The following THSD7B variants were observed in gnomAD, a reference collection of about 807,000 sequenced individuals.
THSD7B encodes the protein thrombospondin type 1 domain containing 7B, also known as thrombospondin type-1 domain-containing protein 7B.
In THSD7B, 138 loss-of-function variants were observed where a neutral mutation model predicts 213.6. The observed-to-expected ratio is 0.65, with a 90% CI of 0.56 to 0.74. THSD7B has a LOEUF of 0.74. THSD7B is among the 30% of genes least tolerant of loss of function. The pLI, the probability that THSD7B is intolerant of heterozygous loss-of-function variation, is 0.00. For synonymous variants in THSD7B, 742 were observed against 687.0 expected (o/e 1.08, Z -1.25); for missense variants, 1,931 against 1,991.5 (o/e 0.97, Z 0.58).
At chr2:137,192,911 T>C (rs1282570294) in intron 7 of THSD7B, among the ~76,000 whole-genome samples, 1 of 152,204 alleles carries the variant, frequency 6.6e-6, no homozygotes, top group East Asian at 1.9e-4. Flanking sequence ...TGACGTGGTG[T>C]CTCTAAGTCT....
At chr2:137,274,095 A>G (rs1451584879) in intron 11 of THSD7B, among the ~76,000 whole-genome samples, 1 of 152,028 alleles carries the variant, frequency 6.6e-6, no homozygotes, top group East Asian at 1.9e-4. Context: ...AATCAGTTCT[A>G]CTGTGTATGA....
chr2:136,811,752 A>C (rs1030399961), intron 1 of THSD7B, among the ~76,000 whole-genome samples: 1 of 152,172 alleles, frequency 6.6e-6, no homozygotes, highest in African/African-American at 2.4e-5. Flanking sequence ...GAAATTTTAC[A>C]CAAGACGTAT....
chr2:136,979,216 C>G (rs761934488), intron 2 of THSD7B, among the ~76,000 whole-genome samples: 3 of 150,044 alleles, frequency 2.0e-5, no homozygotes, highest in Non-Finnish European at 4.4e-5. Flanking sequence ...TTCTTGCTGC[C>G]CTTAACATTT....
chr2:136,812,410 G>A (rs765604586), intron 1 of THSD7B, among the ~76,000 whole-genome samples: 11 of 152,132 alleles, frequency 7.2e-5, no homozygotes, highest in Non-Finnish European at 1.5e-4. Context: ...ATTGTATTTG[G>A]TTCTTTGTAA....
intron 12 of THSD7B, among the ~76,000 whole-genome samples, chr2:137,343,541 T>C (rs949387434): frequency 1.3e-5 from 2 of 151,738 alleles, no homozygotes; most frequent in Non-Finnish European, 3.0e-5. Flanking sequence ...ATAGGCATTA[T>C]TGGTGTTTGG....
intron 12 of THSD7B, among the ~76,000 whole-genome samples, chr2:137,344,626 G>C (rs994524368): frequency 6.6e-6 from 1 of 151,642 alleles, no homozygotes; most frequent in Non-Finnish European, 1.5e-5. Flanking sequence ...AGCTAGTGCA[G>C]CTTCCTTCAT....
At chr2:137,071,718 T>C (rs1191950256) in intron 3 of THSD7B, among the ~76,000 whole-genome samples, 3 of 152,230 alleles carry the variant, frequency 2.0e-5, no homozygotes, top group African/African-American at 4.8e-5. Context: ...CTAGGTTTTC[T>C]TCTAGGGTTT....
intron 1 of THSD7B, among the ~76,000 whole-genome samples, chr2:136,793,365 C>T (rs1167452988): frequency 6.6e-6 from 1 of 151,930 alleles, no homozygotes; most frequent in Admixed American, 6.6e-5. Flanking sequence ...GCTTATTTTC[C>T]ATTGGTGTAT....
rs1684262425 is a variant in THSD7B, at chr2:136,911,783, A to C, written c.139+29466A>C. Among the ~76,000 whole-genome samples the C allele has an allele frequency of 2.0e-5, 3 of 152,170 alleles. 1 individual carries two copies. The highest frequency in any genetic ancestry group is 2.0e-4 in the Admixed American group (3 of 15,276). On this transcript the variant is annotated intron_variant, in intron 2 of 27. Transcript: ENST00000409968. ...ATGCATGCCATGCTACTACTACTAC[A>C]AGAGAGCGCTTTACAGCCACCAAAT... is the stretch of plus-strand genomic sequence containing the variant.
intron 17 of THSD7B, among the ~76,000 whole-genome samples, chr2:137,585,930 G>A (rs1681714644): frequency 1.3e-5 from 2 of 152,188 alleles, no homozygotes. Context: ...AATGTTGACA[G>A]TGGGATGTTA....
chr2:137,278,908 T>C (rs1682934296), intron 12 of THSD7B, among the ~76,000 whole-genome samples: 1 of 152,164 alleles, frequency 6.6e-6, no homozygotes, highest in Non-Finnish European at 1.5e-5. Context: ...ATATACTTTT[T>C]CAGCTTACCT....
At chr2:136,996,049 T>C (rs781014156) in intron 2 of THSD7B, among the ~76,000 whole-genome samples, 1 of 152,228 alleles carries the variant, frequency 6.6e-6, no homozygotes, top group Non-Finnish European at 1.5e-5. Context: ...TTTGTATCTT[T>C]GAAGAGCAAC....
At chr2:136,784,144 C>T (rs11884355) in intron 1 of THSD7B, among the ~76,000 whole-genome samples, 5,427 of 152,222 alleles carry the variant, frequency 0.036, 311 homozygotes, top group African/African-American at 0.12. Context: ...CAATATGATA[C>T]GACTCACCTT....
At chr2:137,564,313 C>G (rs918370479) in intron 16 of THSD7B, among the ~76,000 whole-genome samples, 14 of 152,136 alleles carry the variant, frequency 9.2e-5, no homozygotes, top group Non-Finnish European at 1.6e-4. Flanking sequence ...TCAGTACATA[C>G]TCACTATTTA....
At chr2:137,592,967 C>T (rs1681893325) in intron 17 of THSD7B, among the ~76,000 whole-genome samples, 1 of 151,846 alleles carries the variant, frequency 6.6e-6, no homozygotes, top group South Asian at 2.1e-4. Flanking sequence ...TGTGTATGAT[C>T]TCATTAGCTC....
chr2:137,548,325 C>T (rs1165032298), intron 15 of THSD7B, among the ~76,000 whole-genome samples: 1 of 151,956 alleles, frequency 6.6e-6, no homozygotes, highest in Non-Finnish European at 1.5e-5. Context: ...CTTTCATTTT[C>T]ACTCCTAAAT....
At chr2:137,297,537 G>C (rs571938993) in intron 12 of THSD7B, among the ~76,000 whole-genome samples, 45 of 151,986 alleles carry the variant, frequency 3.0e-4, no homozygotes, top group Admixed American at 2.0e-3. Context: ...GACAATTTCT[G>C]AATTTAAAAC....
chr2:137,363,188 T>C (rs1482032259), intron 12 of THSD7B, among the ~76,000 whole-genome samples: 1 of 152,086 alleles, frequency 6.6e-6, no homozygotes, highest in Non-Finnish European at 1.5e-5. Context: ...TTGAAACCAA[T>C]GAGAACAAAG....
At chr2:136,791,973 A>G (rs1192842598) in intron 1 of THSD7B, among the ~76,000 whole-genome samples, 1 of 152,054 alleles carries the variant, frequency 6.6e-6, no homozygotes. Context: ...TTTCCAAAGC[A>G]TGATTTTACA....
Sources: allele counts gnomAD v4.1 joint callset (sites outside exome capture counted in the v4.1 genomes callset), GRCh38; gene constraint gnomAD v4.1.1; transcripts MANE v1.5; gene names NCBI Gene and HGNC (gene_info 2026-07-23, HGNC 2026-07-21).